The following PTPRT variants were observed in gnomAD, a reference collection of about 807,000 sequenced individuals.
PTPRT encodes protein tyrosine phosphatase receptor type T.
A neutral mutation model predicts 176.8 loss-of-function variants in PTPRT; 56 were observed. That is an observed-to-expected ratio of 0.32 (90% confidence interval 0.26 to 0.40). PTPRT has a LOEUF of 0.40. PTPRT is among the 10% of genes least tolerant of loss of function. The pLI, the probability that PTPRT is intolerant of heterozygous loss-of-function variation, is 1.00. For missense variants in PTPRT, 1,540 were observed against 1,908.2 expected (o/e 0.81, Z 3.60); for synonymous variants, 783 against 739.0 (o/e 1.06, Z -0.96).
At chr20:42,173,390 A>G (rs1417836251) in intron 16 of PTPRT, among the ~76,000 whole-genome samples, 2 of 152,186 alleles carry the variant, frequency 1.3e-5, no homozygotes, top group Non-Finnish European at 2.9e-5. Flanking sequence ...TTCTCCAACC[A>G]GATATAAATG....
chr20:42,919,723 G>C (rs762096295), intron 1 of PTPRT, among the ~76,000 whole-genome samples: 1 of 152,216 alleles, frequency 6.6e-6, no homozygotes, highest in Non-Finnish European at 1.5e-5. Context: ...AAACCTTGTA[G>C]ACAAGTAAGA....
At chr20:42,787,411 A>G (rs1318635378) in intron 3 of PTPRT, among the ~76,000 whole-genome samples, 1 of 152,208 alleles carries the variant, frequency 6.6e-6, no homozygotes, top group Non-Finnish European at 1.5e-5. Context: ...ACTTAGAGGC[A>G]AGACAGGAGG....
chr20:42,101,205 T>C (rs1234081788), intron 26 of PTPRT, among the ~76,000 whole-genome samples: 1 of 152,158 alleles, frequency 6.6e-6, no homozygotes, highest in Admixed American at 6.5e-5. Context: ...GTTTGCCTCT[T>C]ATTGGATCCA....
At chr20:42,427,165 A>G (rs550596414) in intron 9 of PTPRT, among the ~76,000 whole-genome samples, 67 of 152,208 alleles carry the variant, frequency 4.4e-4, no homozygotes, top group Non-Finnish European at 8.2e-4. Flanking sequence ...AGTAAAATCC[A>G]TCCCTCCTCT....
intron 1 of PTPRT, among the ~76,000 whole-genome samples, chr20:43,038,482 TTAAGAA>T (rs1242955380): frequency 6.6e-6 from 1 of 152,164 alleles, no homozygotes; most frequent in African/African-American, 2.4e-5. Context: ...CTCAAAATGA[TTAAGAA>T]TATTTATCTG....
Position 42,694,470 on chromosome 20 carries a change from A to G in PTPRT, c.860-16311T>C, listed in dbSNP as rs79288165. ...TCTCCCGTTAAGGGTCATCTAGGCT[A>G]TTTTCAGGTTTTTGCTATTAAAATA... On this transcript the variant is annotated intron_variant, in intron 6 of 30. Coordinates refer to ENST00000373187, the MANE Select transcript of PTPRT (RefSeq NM_007050.6). 8.4e-3 allele frequency among the ~76,000 whole-genome samples: 1,274 copies of G among 152,154 alleles called. 22 individuals are homozygous for G. The highest frequency in any genetic ancestry group is 0.03 in the African/African-American group (1,226 of 41,514).
At chr20:42,507,001 A>T (rs1268687688) in intron 7 of PTPRT, among the ~76,000 whole-genome samples, 1 of 152,158 alleles carries the variant, frequency 6.6e-6, no homozygotes, top group Non-Finnish European at 1.5e-5. Context: ...AGTAGACAGA[A>T]GTGCATTCAA....
intron 7 of PTPRT, among the ~76,000 whole-genome samples, chr20:42,541,489 G>A (rs2072577868): frequency 6.8e-6 from 1 of 146,118 alleles, no homozygotes; most frequent in Non-Finnish European, 1.5e-5. Context: ...AGATACACTA[G>A]TATCTAGTAC....
At chr20:43,184,881 T>C (rs1323783075) in intron 1 of PTPRT, among the ~76,000 whole-genome samples, 2 of 152,122 alleles carry the variant, frequency 1.3e-5, no homozygotes, top group African/African-American at 2.4e-5. Flanking sequence ...AGATAATAAA[T>C]AAATGCCATT....
chr20:42,504,628 T>C (rs897612809), intron 7 of PTPRT, among the ~76,000 whole-genome samples: 5 of 152,208 alleles, frequency 3.3e-5, no homozygotes, highest in African/African-American at 1.2e-4. Context: ...CCTATTTGCA[T>C]TATTACATTT....
intron 1 of PTPRT, among the ~76,000 whole-genome samples, chr20:43,111,253 A>C (rs2012848601): frequency 2.6e-5 from 4 of 152,146 alleles, no homozygotes; most frequent in Admixed American, 2.6e-4. Context: ...AAGAATGGTC[A>C]CATAGGCTGG....
chr20:43,049,444 G>A (rs141108898), intron 1 of PTPRT, among the ~76,000 whole-genome samples: 45 of 152,238 alleles, frequency 3.0e-4, no homozygotes, highest in African/African-American at 1.0e-3. Context: ...TCTTGCCAAT[G>A]TATTTCCCAA....
chr20:43,183,483 G>C (rs957847583), intron 1 of PTPRT, among the ~76,000 whole-genome samples: 1 of 152,196 alleles, frequency 6.6e-6, no homozygotes, highest in African/African-American at 2.4e-5. Flanking sequence ...TTACACATAA[G>C]TCTAACTTCA....
intron 7 of PTPRT, among the ~76,000 whole-genome samples, chr20:42,631,252 A>G (rs931579624): frequency 6.6e-6 from 1 of 152,176 alleles, no homozygotes; most frequent in Non-Finnish European, 1.5e-5. Flanking sequence ...TGGTGATGAA[A>G]TACATTGGGA....
intron 12 of PTPRT, among the ~76,000 whole-genome samples, chr20:42,284,856 G>A (rs186939525): frequency 4.0e-5 from 6 of 151,264 alleles, no homozygotes; most frequent in Admixed American, 3.3e-4. Context: ...AAAATGACAA[G>A]TCATGGTTCA....
intron 1 of PTPRT, among the ~76,000 whole-genome samples, chr20:42,926,872 G>A (rs1979519499): frequency 6.6e-6 from 1 of 152,180 alleles, no homozygotes; most frequent in Non-Finnish European, 1.5e-5. Flanking sequence ...CACAAATGCT[G>A]CCATCATTAT....
chr20:43,001,991 G>T (rs7354318), intron 1 of PTPRT, among the ~76,000 whole-genome samples: 29,161 of 152,096 alleles, frequency 0.19, 2,896 homozygotes, highest in Middle Eastern at 0.21. Context: ...CAATCCCCAG[G>T]TGTTGAGGGA....
intron 1 of PTPRT, among the ~76,000 whole-genome samples, chr20:43,068,414 A>G (rs1600689276): frequency 1.3e-5 from 2 of 150,946 alleles, no homozygotes; most frequent in South Asian, 2.1e-4. Context: ...GCTGAGGCAG[A>G]AGAATGGCGT....
intron 2 of PTPRT, among the ~76,000 whole-genome samples, chr20:42,866,544 T>C (rs1354040348): frequency 1.3e-5 from 2 of 152,172 alleles, no homozygotes; most frequent in African/African-American, 4.8e-5. Flanking sequence ...GGCTCCCTGC[T>C]GCTCCAAGTT....
Sources: gnomAD v4.1 joint callset for allele counts (sites outside exome capture counted in the v4.1 genomes callset) on GRCh38, gnomAD v4.1.1 for gene constraint, MANE v1.5 for transcripts, NCBI Gene and HGNC (gene_info 2026-07-23, HGNC 2026-07-21) for gene names.